The following EIF2B3 variants were observed in gnomAD, a reference collection of about 807,000 sequenced individuals.
EIF2B3 encodes eukaryotic translation initiation factor 2B subunit gamma.
EIF2B3 carries 20 observed loss-of-function variants against 54.1 expected under a neutral mutation model. The ratio of observed to expected loss-of-function variants is 0.37; its 90% CI spans 0.26 to 0.54. EIF2B3 has a LOEUF of 0.54. Among genes scored for constraint, EIF2B3 ranks in the 20% least tolerant of loss-of-function variants. The pLI, the probability that EIF2B3 is intolerant of heterozygous loss-of-function variation, is 0.86. For synonymous variants in EIF2B3, 153 were observed against 188.1 expected, an observed-to-expected ratio of 0.81 and a Z score of 1.52; for missense variants, 448 against 547.8, an observed-to-expected ratio of 0.82 and a Z score of 1.82.
chr1:44,952,698 G>A (rs894116462), intron 3 of EIF2B3, among the ~76,000 whole-genome samples: 9 of 151,422 alleles, frequency 5.9e-5, no homozygotes, highest in Non-Finnish European at 1.0e-4. Context: ...GACTACAGGC[G>A]CCCGCCACCA....
intron 3 of EIF2B3, among the ~76,000 whole-genome samples, chr1:44,976,467 C>T (rs1014429328): frequency 5.9e-5 from 9 of 152,252 alleles, no homozygotes; most frequent in South Asian, 2.1e-4. Context: ...TTGATGAAGA[C>T]GTGAAGCAAA....
At chr1:44,968,025 G>A (rs1361668128) in intron 3 of EIF2B3, among the ~76,000 whole-genome samples, 4 of 150,026 alleles carry the variant, frequency 2.7e-5, no homozygotes, top group Admixed American at 2.0e-4. Flanking sequence ...GCGACAGAGT[G>A]AGACTCCATT....
chr1:44,985,007 C>T (rs1414022362), intron 1 of EIF2B3, among the ~76,000 whole-genome samples: 2 of 150,794 alleles, frequency 1.3e-5, no homozygotes, highest in African/African-American at 2.4e-5. Flanking sequence ...GGGGTTTCAC[C>T]TTGTTAGCCA....
chr1:44,951,931 G>A (rs1338051204), intron 3 of EIF2B3, among the ~76,000 whole-genome samples: 25 of 141,508 alleles, frequency 1.8e-4, no homozygotes, highest in Non-Finnish European at 3.3e-4. Flanking sequence ...GGGATTACAG[G>A]GGCGCACCAC....
chr1:44,862,701 CT>C (rs1654646961), intron 10 of EIF2B3, among the ~76,000 whole-genome samples: 1 of 152,174 alleles, frequency 6.6e-6, no homozygotes, highest in Non-Finnish European at 1.5e-5. Flanking sequence ...TCTCGGCTCA[CT>C]GTCTCCTGCC....
intron 3 of EIF2B3, chr1:44,958,808 C>A (rs1396653592): frequency 1.7e-6 from 2 of 1,193,810 alleles, no homozygotes; most frequent in East Asian, 2.3e-5. Context: ...GACAAGAGAT[C>A]GTGTTGGACG....
chr1:44,883,085 T>G (rs990076509), intron 6 of EIF2B3, among the ~76,000 whole-genome samples: 1 of 151,622 alleles, frequency 6.6e-6, no homozygotes, highest in Non-Finnish European at 1.5e-5. Flanking sequence ...CCGGCCACCA[T>G]GCCTGGCTAA....
Position 44,881,873 on chromosome 1 carries a change from G to A in EIF2B3, c.657-134C>T. On this transcript the variant is annotated intron_variant, in intron 6 of 11. Coordinates refer to ENST00000360403, the MANE Select transcript of EIF2B3 (RefSeq NM_020365.5). The surrounding 1 kb of genome is among the most constrained non-coding windows in gnomAD (Gnocchi z 4.0). ...CTTGGGACTGTCAGAGATCAAATGTGGCATTGACTTGGCAGTTCGGAGAAG... is the reference window on the plus strand; with the variant it reads ...CTTGGGACTGTCAGAGATCAAATGTAGCATTGACTTGGCAGTTCGGAGAAG... 3 of 1,246,068 alleles carry A rather than the reference G, an allele frequency of 2.4e-6. No homozygotes were observed. Among genetic ancestry groups the A allele is most frequent in the Middle Eastern group, 3.8e-4 (2 of 5,252 alleles). 77.2% of individuals were successfully genotyped at this position (1,246,068 alleles called of 1,614,324 possible).
chr1:44,953,176 C>T (rs1427208626), intron 3 of EIF2B3, among the ~76,000 whole-genome samples: 1 of 127,146 alleles, frequency 7.9e-6, no homozygotes, highest in Non-Finnish European at 1.6e-5. Flanking sequence ...AACCAGAAAA[C>T]ACACAATTTA....
intron 3 of EIF2B3, among the ~76,000 whole-genome samples, chr1:44,955,801 C>T (rs1321622552): frequency 1.3e-5 from 2 of 152,030 alleles, no homozygotes; most frequent in African/African-American, 4.8e-5. Flanking sequence ...CCAATCAAAA[C>T]CACAATGAGA....
intron 10 of EIF2B3, among the ~76,000 whole-genome samples, chr1:44,868,485 A>G (rs1654857938): frequency 6.7e-6 from 1 of 148,572 alleles, no homozygotes; most frequent in South Asian, 2.1e-4. Flanking sequence ...CAATTAGGAC[A>G]CTAACACTGG....
In EIF2B3 at chr1:44,858,259, A is replaced by G. The variant is rs1490007207; in HGVS notation, c.1203-452T>C. 2.6e-5 allele frequency among the ~76,000 whole-genome samples: 4 copies of G among 151,832 alleles called. No individual in the cohort carries two copies. In the East Asian group the frequency reaches 7.8e-4, roughly 29 times the overall value. ...AATTACTTCAGTTCTTTAGGATCCC[A>G]GAACCTAGAGGTCTAAATTCCATCC... On this transcript the variant is annotated intron_variant, in intron 10 of 11. Coordinates refer to ENST00000360403, the MANE Select transcript of EIF2B3 (RefSeq NM_020365.5).
chr1:44,880,839 T>C (rs907690167), intron 7 of EIF2B3, among the ~76,000 whole-genome samples: 1 of 152,092 alleles, frequency 6.6e-6, no homozygotes, highest in Non-Finnish European at 1.5e-5. Context: ...CGTGTGCCTG[T>C]AGTCCTAGCT....
chr1:44,854,475 T>A (rs1054284811), intron 11 of EIF2B3, among the ~76,000 whole-genome samples: 1 of 151,438 alleles, frequency 6.6e-6, no homozygotes, highest in Non-Finnish European at 1.5e-5. Context: ...TAGAAGAGGG[T>A]AGGGAGGCCT....
intron 3 of EIF2B3, among the ~76,000 whole-genome samples, chr1:44,973,735 C>T (rs2148961761): frequency 6.6e-6 from 1 of 152,036 alleles, no homozygotes; most frequent in Non-Finnish European, 1.5e-5. Flanking sequence ...CTCTATGATT[C>T]CACTTACATG....
rs188623981 is a variant in EIF2B3 at position 44,946,779 on chromosome 1, G to C, written c.295-5114C>G. On this transcript the variant is annotated intron_variant, in intron 3 of 11. Transcript: ENST00000360403. ...AGCCTGGCCTGATTTTATAAACGCT[G>C]TAACAGAAAGAAATGATCATTGTTT... Among the ~76,000 whole-genome samples the C allele has an allele frequency of 6.6e-5, 10 of 152,034 alleles. No homozygotes were observed. In the East Asian group the frequency reaches 1.9e-3, roughly 29 times the overall value.
chr1:44,935,445 T>C (rs1569775616), intron 4 of EIF2B3, among the ~76,000 whole-genome samples: 1 of 152,206 alleles, frequency 6.6e-6, no homozygotes, highest in African/African-American at 2.4e-5. Context: ...CTATGTGTCG[T>C]CTTTACTGTT....
intron 3 of EIF2B3, among the ~76,000 whole-genome samples, chr1:44,965,181 GCA>G (rs1644324688): frequency 6.6e-6 from 1 of 152,168 alleles, no homozygotes; most frequent in Admixed American, 6.5e-5. Context: ...AGCAATAGCT[GCA>G]CACCTGCAAG....
intron 5 of EIF2B3, among the ~76,000 whole-genome samples, chr1:44,918,019 C>A (rs373921339): frequency 2.0e-5 from 3 of 150,026 alleles, no homozygotes; most frequent in Non-Finnish European, 4.4e-5. Flanking sequence ...ATGATCCACC[C>A]GCCTCGGCCT....
Sources: gnomAD v4.1 joint callset for allele counts (sites outside exome capture counted in the v4.1 genomes callset) on GRCh38, gnomAD v4.1.1 for gene constraint, Gnocchi (gnomAD v3.1) non-coding constraint, MANE v1.5 for transcripts, NCBI Gene and HGNC (gene_info 2026-07-23, HGNC 2026-07-21) for gene names.